SOX6: variants seen among roughly 807,000 people sequenced by gnomAD.
The protein encoded by SOX6 is transcription factor SOX-6.
In SOX6, 11 loss-of-function variants were observed where a neutral mutation model predicts 97.8. The ratio of observed to expected loss-of-function variants is 0.11; its 90% CI spans 0.07 to 0.19. The LOEUF is 0.19. SOX6 is among the 10% of genes least tolerant of loss of function. The pLI is 1.00. For synonymous variants in SOX6, 360 were observed against 371.4 expected (o/e 0.97, Z 0.35); for missense variants, 810 against 1,039.5 (o/e 0.78, Z 3.04).
chr11:16,368,443 C>T (rs1428375365), intron 1 of SOX6, among the ~76,000 whole-genome samples: 1 of 152,092 alleles, frequency 6.6e-6, no homozygotes, highest in African/African-American at 2.4e-5. Flanking sequence ...AATCTCACCA[C>T]TGCACTCCAG....
chr11:16,556,058 T>G (rs1173784405), intron 4 of SOX6, among the ~76,000 whole-genome samples: 1 of 151,608 alleles, frequency 6.6e-6, no homozygotes, highest in Admixed American at 6.6e-5. Context: ...AGCTCTTAAT[T>G]ATATTCTAGA....
chr11:16,070,294 T>C lies in SOX6; in HGVS notation c.1102-14393A>G, dbSNP rs1848194190. ...TTGAGCTAATGGGGCAGAGGCTGCA[T>C]TGGGTGTGGAGGTGAGGAGAAGCTG... On this transcript the variant is annotated intron_variant, in intron 9 of 15. Coordinates refer to ENST00000683767, the MANE Select transcript of SOX6 (RefSeq NM_001367873.1). 2.0e-5 allele frequency among the ~76,000 whole-genome samples: 3 copies of C among 152,168 alleles called. No individual in the cohort carries two copies. The South Asian group carries it at 6.2e-4, about 32-fold the overall frequency.
At chr11:16,574,955 G>A (rs868414650) in intron 4 of SOX6, among the ~76,000 whole-genome samples, 4 of 151,516 alleles carry the variant, frequency 2.6e-5, no homozygotes, top group South Asian at 2.1e-4. Flanking sequence ...CAAGAGAATC[G>A]CTTGAACCCA....
chr11:16,021,950 G>T (rs772643959), intron 12 of SOX6, among the ~76,000 whole-genome samples: 1 of 151,996 alleles, frequency 6.6e-6, no homozygotes, highest in African/African-American at 2.4e-5. Flanking sequence ...GGTTCAAAAA[G>T]AATTTTTATA....
At chr11:16,514,683 C>T (rs1274815237) in intron 4 of SOX6, among the ~76,000 whole-genome samples, 1 of 144,854 alleles carries the variant, frequency 6.9e-6, no homozygotes, top group Non-Finnish European at 1.5e-5. Context: ...TCTCCCAATG[C>T]TATCCCTCCC....
intron 7 of SOX6, among the ~76,000 whole-genome samples, chr11:16,102,591 T>C (rs1378616909): frequency 1.3e-5 from 2 of 151,542 alleles, no homozygotes; most frequent in African/African-American, 4.8e-5. Flanking sequence ...GCAAAAAGAA[T>C]AAATCTGGAG....
chr11:16,717,147 T>C (rs562751749), intron 2 of SOX6, among the ~76,000 whole-genome samples: 2 of 152,170 alleles, frequency 1.3e-5, no homozygotes, highest in Non-Finnish European at 2.9e-5. Flanking sequence ...AGGAATATTT[T>C]TGCTAAACTG....
At chr11:16,389,088 T>C (rs1437291274) in intron 1 of SOX6, among the ~76,000 whole-genome samples, 2 of 152,134 alleles carry the variant, frequency 1.3e-5, no homozygotes, top group Non-Finnish European at 2.9e-5. Context: ...TGGTTTTTTG[T>C]TTTTGTTTTT....
At chr11:15,974,736 T>C (rs1853421620) in intron 15 of SOX6, among the ~76,000 whole-genome samples, 1 of 152,066 alleles carries the variant, frequency 6.6e-6, no homozygotes, top group Non-Finnish European at 1.5e-5. Context: ...ATGCAGATGG[T>C]TTAGAAACAC....
intron 4 of SOX6, among the ~76,000 whole-genome samples, chr11:16,603,826 T>TA (rs540607929): frequency 2.8e-4 from 42 of 151,438 alleles, no homozygotes; most frequent in African/African-American, 6.5e-4. Flanking sequence ...AAGAAAAGAT[T>TA]AAAAAAAAAT....
intron 6 of SOX6, among the ~76,000 whole-genome samples, chr11:16,145,288 C>A (rs898849772): frequency 1.6e-4 from 25 of 152,090 alleles, no homozygotes; most frequent in Admixed American, 4.6e-4. Context: ...AGGCCTTTGA[C>A]AAAATTCAAC....
At chr11:16,591,320 T>TAGATAGATAGATAGATAGAC (rs1848148607) in intron 4 of SOX6, among the ~76,000 whole-genome samples, 3 of 69,478 alleles carry the variant, frequency 4.3e-5, no homozygotes, top group Admixed American at 1.5e-4. Flanking sequence ...GTTAGATACA[T>TAGATAGATAGATAGATAGAC]AGATAGATAG....
At chr11:16,611,867 C>T (rs1047537579) in intron 4 of SOX6, among the ~76,000 whole-genome samples, 1 of 152,184 alleles carries the variant, frequency 6.6e-6, no homozygotes, top group Non-Finnish European at 1.5e-5. Context: ...CGGCAGAGCA[C>T]CGCCACAAAG....
chr11:15,988,263 A>G (rs1266821190), intron 14 of SOX6, among the ~76,000 whole-genome samples: 1 of 152,170 alleles, frequency 6.6e-6, no homozygotes, highest in African/African-American at 2.4e-5. Context: ...GTTGAGCACA[A>G]TAATTCCAAG....
intron 4 of SOX6, among the ~76,000 whole-genome samples, chr11:16,506,672 T>C (rs549539272): frequency 6.6e-6 from 1 of 152,136 alleles, no homozygotes; most frequent in South Asian, 2.1e-4. Context: ...CTCCCCAGTG[T>C]TGGAGGAGGG....
At chr11:16,084,086 A>G (rs774089964) in intron 9 of SOX6, among the ~76,000 whole-genome samples, 10 of 152,196 alleles carry the variant, frequency 6.6e-5, no homozygotes, top group Admixed American at 2.0e-4. Context: ...GCTAAAGAGC[A>G]CTGTACTGGG....
At chr11:16,402,475 G>A (rs911842712) in intron 1 of SOX6, among the ~76,000 whole-genome samples, 2 of 151,596 alleles carry the variant, frequency 1.3e-5, no homozygotes, top group Non-Finnish European at 3.0e-5. Flanking sequence ...AGTTCAGGAA[G>A]AAGGCTTAAA....
intron 4 of SOX6, among the ~76,000 whole-genome samples, chr11:16,608,011 G>A (rs1032472822): frequency 4.6e-5 from 7 of 152,116 alleles, no homozygotes; most frequent in African/African-American, 9.6e-5. Context: ...GGAAAGAGAC[G>A]GTGAAGCAAC....
At chr11:16,508,242 A>T (rs952047482) in intron 4 of SOX6, among the ~76,000 whole-genome samples, 4 of 152,172 alleles carry the variant, frequency 2.6e-5, no homozygotes, top group African/African-American at 9.6e-5. Context: ...AGACAAAAAA[A>T]TAACAGATGC....
Sources: gnomAD v4.1 joint callset for allele counts (sites outside exome capture counted in the v4.1 genomes callset) on GRCh38, gnomAD v4.1.1 for gene constraint, MANE v1.5 for transcripts, NCBI Gene and HGNC (gene_info 2026-07-23, HGNC 2026-07-21) for gene names.